Variants in PTPRD observed in about 807,000 individuals in gnomAD.
PTPRD encodes receptor-type tyrosine-protein phosphatase delta.
A neutral mutation model predicts 214.5 loss-of-function variants in PTPRD; 34 were observed. The observed-to-expected ratio is 0.16, with a 90% CI of 0.12 to 0.21. The LOEUF (loss-of-function observed/expected upper bound fraction) is 0.21, where lower values mean the gene tolerates loss of function less well. Among genes scored for constraint, PTPRD ranks in the 10% least tolerant of loss-of-function variants. The pLI is 1.00. For missense variants in PTPRD, 2,545 were observed against 2,398.7 expected (o/e 1.06, Z -1.27); for synonymous variants, 1,128 against 845.7 (o/e 1.33, Z -5.79).
chr9:10,479,803 A>G (rs1350789322), intron 2 of PTPRD, among the ~76,000 whole-genome samples: 3 of 152,040 alleles, frequency 2.0e-5, no homozygotes, highest in Non-Finnish European at 4.4e-5. Context: ...CCTGGGCAAC[A>G]GGGTGAGATC....
At chr9:9,741,330 C>T (rs1310960137) in intron 6 of PTPRD, among the ~76,000 whole-genome samples, 1 of 148,270 alleles carries the variant, frequency 6.7e-6, no homozygotes, top group Non-Finnish European at 1.5e-5. Flanking sequence ...AATAGATACA[C>T]AGGCAATCAA....
rs534415520 is a variant in PTPRD at position 9,712,931 on chromosome 9, G to C, written c.-287+21602C>G. On this transcript the variant is annotated intron_variant, in intron 7 of 45. Transcript: ENST00000381196. ...ACCTACTGTATGTATCCTTGTATAA[G>C]AAATACACAAAACATTAATGAAAAA... Among the ~76,000 whole-genome samples, 3 of 152,260 alleles carry C rather than the reference G, an allele frequency of 2.0e-5. No individual in the cohort carries two copies. The South Asian group carries it at 6.2e-4, about 32-fold the overall frequency.
intron 9 of PTPRD, among the ~76,000 whole-genome samples, chr9:9,391,594 A>G (rs2065862935): frequency 6.6e-6 from 1 of 152,196 alleles, no homozygotes; most frequent in Non-Finnish European, 1.5e-5. Context: ...TGAATTCTGT[A>G]CATGTGAGTC....
rs1429997828 is a variant in PTPRD at position 9,376,346 on chromosome 9, A to C, written c.-203+21103T>G. Among the ~76,000 whole-genome samples, 3 of 152,258 alleles carry C rather than the reference A, an allele frequency of 2.0e-5. No homozygotes were observed. The East Asian group carries it at 5.8e-4, about 29-fold the overall frequency. Reference sequence around the variant, plus strand: ...CAGTTTCACCCTCCTATAAAATTTGACTTTGGCTATAGACAACTTAATCAG... The same window carrying C: ...CAGTTTCACCCTCCTATAAAATTTGCCTTTGGCTATAGACAACTTAATCAG... On this transcript the variant is annotated intron_variant, in intron 9 of 45. Coordinates refer to ENST00000381196, the MANE Select transcript of PTPRD (RefSeq NM_002839.4).
intron 2 of PTPRD, among the ~76,000 whole-genome samples, chr9:10,521,932 A>C (rs2134218722): frequency 6.6e-6 from 1 of 152,250 alleles, no homozygotes; most frequent in East Asian, 1.9e-4. Context: ...TATTTGCTTT[A>C]TTGCAGTGGT....
At chr9:8,448,415 C>T (rs1242092205) in intron 34 of PTPRD, among the ~76,000 whole-genome samples, 1 of 152,042 alleles carries the variant, frequency 6.6e-6, no homozygotes, top group African/African-American at 2.4e-5. Flanking sequence ...TTTCAAAAAG[C>T]GCTGACCCAA....
At chr9:9,261,478 T>C (rs1218244622) in intron 9 of PTPRD, among the ~76,000 whole-genome samples, 1 of 151,846 alleles carries the variant, frequency 6.6e-6, no homozygotes. Flanking sequence ...ACAATAAAAA[T>C]GAACACTTTA....
At chr9:9,562,845 T>C (rs762075181) in intron 8 of PTPRD, among the ~76,000 whole-genome samples, 59 of 152,156 alleles carry the variant, frequency 3.9e-4, no homozygotes, top group Non-Finnish European at 6.6e-4. Flanking sequence ...GTAAAATACA[T>C]AACCTTTAAA....
At chr9:9,126,259 T>C (rs573321492) in intron 10 of PTPRD, among the ~76,000 whole-genome samples, 12 of 152,254 alleles carry the variant, frequency 7.9e-5, no homozygotes, top group African/African-American at 2.9e-4. Context: ...ACAGAGGAAT[T>C]AGGGGCAGGA....
At chr9:10,230,478 G>GTCTA (rs1022525654) in intron 3 of PTPRD, among the ~76,000 whole-genome samples, 1 of 75,094 alleles carries the variant, frequency 1.3e-5, no homozygotes, top group Non-Finnish European at 2.9e-5. Context: ...CTATCTATCT[G>GTCTA]TCTATCTACC....
intron 7 of PTPRD, among the ~76,000 whole-genome samples, chr9:9,672,774 T>C (rs1399717942): frequency 1.3e-5 from 2 of 152,080 alleles, no homozygotes; most frequent in Non-Finnish European, 2.9e-5. Flanking sequence ...TGTATGACTG[T>C]ATAGCTAGTA....
chr9:8,407,276 T>G (rs976705266), intron 35 of PTPRD, among the ~76,000 whole-genome samples: 2 of 152,208 alleles, frequency 1.3e-5, no homozygotes, highest in African/African-American at 4.8e-5. Context: ...GAATTATGCT[T>G]GATTTTCACA....
At chr9:9,375,331 G>T (rs1187665263) in intron 9 of PTPRD, among the ~76,000 whole-genome samples, 2 of 152,112 alleles carry the variant, frequency 1.3e-5, no homozygotes, top group Non-Finnish European at 2.9e-5. Flanking sequence ...GGGCGCAGTG[G>T]CTCATGCTAT....
intron 9 of PTPRD, among the ~76,000 whole-genome samples, chr9:9,221,274 C>A (rs1198881031): frequency 6.6e-6 from 1 of 152,086 alleles, no homozygotes; most frequent in African/African-American, 2.4e-5. Flanking sequence ...ATGACATGAT[C>A]AGGATAGAAT....
intron 9 of PTPRD, among the ~76,000 whole-genome samples, chr9:9,199,357 T>C (rs1167379610): frequency 6.6e-6 from 1 of 152,210 alleles, no homozygotes; most frequent in Non-Finnish European, 1.5e-5. Flanking sequence ...ACCTGTTAGA[T>C]GCCTTAAGTA....
rs564316729 is a variant in PTPRD, at chr9:9,424,489, T to A, written c.-236-27007A>T. Reference sequence around the variant, plus strand: ...TGGGGTGAAGTGGGGTGGGATGACATGTAGAAGAAAATGCTGTTGCTTGTA... The same window carrying A: ...TGGGGTGAAGTGGGGTGGGATGACAAGTAGAAGAAAATGCTGTTGCTTGTA... On this transcript the variant is annotated intron_variant, in intron 8 of 45. Coordinates refer to ENST00000381196, the MANE Select transcript of PTPRD (RefSeq NM_002839.4). 3.3e-5 allele frequency among the ~76,000 whole-genome samples: 5 copies of A among 152,278 alleles called. No individual in the cohort carries two copies. In the South Asian group the frequency reaches 6.2e-4, roughly 19 times the overall value.
intron 6 of PTPRD, among the ~76,000 whole-genome samples, chr9:9,740,596 C>T (rs908419261): frequency 2.0e-5 from 3 of 152,068 alleles, no homozygotes; most frequent in Non-Finnish European, 4.4e-5. Context: ...CTCCTGCCCT[C>T]GTGATCTGTC....
chr9:8,675,480 AC>A (rs2097384525), intron 12 of PTPRD, among the ~76,000 whole-genome samples: 1 of 132,430 alleles, frequency 7.6e-6, no homozygotes. Flanking sequence ...TTTATGTCAT[AC>A]CCCCACCTCC....
intron 2 of PTPRD, among the ~76,000 whole-genome samples, chr9:10,511,518 C>A (rs187091314): frequency 1.6e-3 from 237 of 151,680 alleles, no homozygotes; most frequent in African/African-American, 5.5e-3. Context: ...ATTACCCTGC[C>A]TCAGCCTCCT....
Sources: allele counts gnomAD v4.1 joint callset (sites outside exome capture counted in the v4.1 genomes callset), GRCh38; gene constraint gnomAD v4.1.1; transcripts MANE v1.5; gene names NCBI Gene and HGNC (gene_info 2026-07-23, HGNC 2026-07-21).